Variants in NTRK2 observed in about 807,000 individuals in gnomAD.
The protein encoded by NTRK2 is BDNF/NT-3 growth factors receptor.
In NTRK2, 13 loss-of-function variants were observed where a neutral mutation model predicts 94.5. The observed-to-expected ratio is 0.14, with a 90% CI of 0.09 to 0.22. The LOEUF (loss-of-function observed/expected upper bound fraction) is 0.22, where lower values mean the gene tolerates loss of function less well. NTRK2 is among the 10% of genes least tolerant of loss of function. The pLI is 1.00. For missense variants in NTRK2, 639 were observed against 1,071.2 expected, an observed-to-expected ratio of 0.60 and a Z score of 5.63; for synonymous variants, 372 against 407.4, an observed-to-expected ratio of 0.91 and a Z score of 1.05.
intron 17 of NTRK2, among the ~76,000 whole-genome samples, chr9:85,000,679 C>T (rs111555561): frequency 6.6e-6 from 1 of 152,180 alleles, no homozygotes; most frequent in Non-Finnish European, 1.5e-5. Context: ...GACATCTTAG[C>T]TGCTTCCGAA....
intron 2 of NTRK2, among the ~76,000 whole-genome samples, chr9:84,678,055 A>G (rs2059167903): frequency 6.6e-6 from 1 of 152,206 alleles, no homozygotes; most frequent in Non-Finnish European, 1.5e-5. Context: ...ACACATAGAC[A>G]CACACCATAA....
chr9:84,989,772 C>CT (rs147289058), intron 17 of NTRK2, among the ~76,000 whole-genome samples: 2,508 of 152,108 alleles, frequency 0.016, 60 homozygotes, highest in African/African-American at 0.056. Context: ...TTGAAAATGT[C>CT]TTTTTTTTGT....
At chr9:84,904,622 CA>C (rs1454151481) in intron 14 of NTRK2, among the ~76,000 whole-genome samples, 1 of 152,216 alleles carries the variant, frequency 6.6e-6, no homozygotes, top group Non-Finnish European at 1.5e-5. Flanking sequence ...CTTCAAACAA[CA>C]GAATATTCTG....
At chr9:84,808,242 G>T (rs1431969692) in intron 12 of NTRK2, among the ~76,000 whole-genome samples, 1 of 152,174 alleles carries the variant, frequency 6.6e-6, no homozygotes, top group African/African-American at 2.4e-5. Context: ...TAATTAGTGA[G>T]CCTGGAGGGG....
At chr9:84,674,917 T>C (rs1044289489) in intron 2 of NTRK2, among the ~76,000 whole-genome samples, 4 of 152,072 alleles carry the variant, frequency 2.6e-5, no homozygotes, top group African/African-American at 9.7e-5. Flanking sequence ...TACAGGAAAA[T>C]GGGTTTGATT....
chr9:84,902,306 C>A (rs1286586524), intron 14 of NTRK2, among the ~76,000 whole-genome samples: 1 of 151,840 alleles, frequency 6.6e-6, no homozygotes, highest in African/African-American at 2.4e-5. Flanking sequence ...CAGAAAACTT[C>A]AAAAGATTCT....
chr9:84,913,063 T>G (rs2077290361), intron 14 of NTRK2, among the ~76,000 whole-genome samples: 1 of 152,214 alleles, frequency 6.6e-6, no homozygotes, highest in Non-Finnish European at 1.5e-5. Context: ...TGTTAGGGCT[T>G]AAGTTTGCCA....
intron 17 of NTRK2, among the ~76,000 whole-genome samples, chr9:85,008,744 G>A (rs1190263140): frequency 6.6e-6 from 1 of 152,186 alleles, no homozygotes; most frequent in African/African-American, 2.4e-5. Flanking sequence ...CCAGGAGGAG[G>A]GGGAGAATGT....
At chr9:84,987,977 A>G (rs925319705) in intron 17 of NTRK2, among the ~76,000 whole-genome samples, 12 of 152,238 alleles carry the variant, frequency 7.9e-5, no homozygotes, top group African/African-American at 2.9e-4. Flanking sequence ...TTTATTACCC[A>G]TCAATCAACA....
chr9:84,762,829 C>A (rs538163865), intron 12 of NTRK2, among the ~76,000 whole-genome samples: 76 of 152,286 alleles, frequency 5.0e-4, no homozygotes, highest in African/African-American at 1.8e-3. Context: ...CACTTCAGGT[C>A]TCTCACTTTC....
At chr9:85,019,392 G>C (rs1832584368) in intron 17 of NTRK2, among the ~76,000 whole-genome samples, 1 of 152,276 alleles carries the variant, frequency 6.6e-6, no homozygotes, top group Admixed American at 6.5e-5. Context: ...TTGAAATCGG[G>C]CATCCCTGAC....
At chr9:84,759,842 C>T (rs2065395444) in intron 12 of NTRK2, among the ~76,000 whole-genome samples, 2 of 151,918 alleles carry the variant, frequency 1.3e-5, no homozygotes, top group Non-Finnish European at 1.5e-5. Flanking sequence ...GTTTTTCTTC[C>T]ATCTCATTCC....
At chr9:84,687,687 A>G (rs1467107816) in intron 2 of NTRK2, among the ~76,000 whole-genome samples, 24 of 152,186 alleles carry the variant, frequency 1.6e-4, no homozygotes, top group Non-Finnish European at 8.8e-5. Context: ...TAACTTTTAT[A>G]TATGCTTATA....
chr9:84,984,722 GA>G (rs1448434849), intron 17 of NTRK2, among the ~76,000 whole-genome samples: 1 of 152,224 alleles, frequency 6.6e-6, no homozygotes, highest in Non-Finnish European at 1.5e-5. Context: ...AGTTCGTTAA[GA>G]AGTAGTTTGT....
chr9:85,015,523 G>C (rs968420828), intron 17 of NTRK2, among the ~76,000 whole-genome samples: 2 of 152,164 alleles, frequency 1.3e-5, no homozygotes, highest in African/African-American at 2.4e-5. Context: ...CCCCCAAAGA[G>C]CAGCATTCAT....
intron 12 of NTRK2, among the ~76,000 whole-genome samples, chr9:84,765,446 G>C (rs1564217864): frequency 1.3e-5 from 2 of 152,150 alleles, no homozygotes; most frequent in Non-Finnish European, 2.9e-5. Flanking sequence ...AAGACAGTGA[G>C]AGCTAGCAGC....
intron 6 of NTRK2, among the ~76,000 whole-genome samples, chr9:84,711,615 C>T (rs1208115207): frequency 6.6e-6 from 1 of 152,214 alleles, no homozygotes; most frequent in African/African-American, 2.4e-5. Flanking sequence ...GCTGGTGACA[C>T]AGCAGAAAGC....
In NTRK2 at chr9:84,867,409, C is replaced by T. The variant is rs749156184; in HGVS notation, c.1611C>T (p.Asn537=). ...IENPQYFGIT[N]SQLKPDTFVQ... is the part of the protein sequence containing the mutation. The stretch of plus-strand genomic sequence containing the variant: ...ATCCCCAGTACTTTGGCATCACCAA[C>T]AGTCAGCTCAAGCCAGACACATGTA... The change falls in exon 14 of 19, where the codon AAC becomes AAT. Residue 537 remains asparagine (N), a synonymous_variant. Transcript: ENST00000277120. 6.2e-7 allele frequency: 1 copy of T among 1,613,978 alleles called. No individual in the cohort carries two copies.
At chr9:84,802,937 A>G (rs2133413299) in intron 12 of NTRK2, among the ~76,000 whole-genome samples, 1 of 152,296 alleles carries the variant, frequency 6.6e-6, no homozygotes, top group Admixed American at 6.5e-5. Context: ...ATCTGCCCTT[A>G]TAAACCTTGC....
Sources: allele counts gnomAD v4.1 joint callset (sites outside exome capture counted in the v4.1 genomes callset), GRCh38; gene constraint gnomAD v4.1.1; transcripts MANE v1.5; gene names NCBI Gene and HGNC (gene_info 2026-07-23, HGNC 2026-07-21).